Variants in MFAP3L observed in about 807,000 individuals in gnomAD.
MFAP3L encodes microfibril associated protein 3 like, also known as microfibrillar-associated protein 3-like.
MFAP3L carries 5 observed loss-of-function variants against 20.0 expected under a neutral mutation model. That is an observed-to-expected ratio of 0.25 (90% CI 0.13 to 0.53). The LOEUF (loss-of-function observed/expected upper bound fraction) is 0.53, where lower values mean the gene tolerates loss of function less well. MFAP3L is among the 20% of genes least tolerant of loss of function. MFAP3L has a pLI of 0.96. For synonymous variants in MFAP3L, 219 were observed against 213.0 expected (o/e 1.03, Z -0.25); for missense variants, 409 against 527.5 (o/e 0.78, Z 2.20).
chr4:170,026,799 C>T (rs1013786099), upstream of MFAP3L: 1 of 152,288 alleles, frequency 6.6e-6, no homozygotes, highest in African/African-American at 2.4e-5. Context: ...CAGGAAAAGG[C>T]TTCTTAGGGT....
At position 170,012,955 on chromosome 4, in the gene MFAP3L, C is replaced by T. The variant is rs546661182; in HGVS notation, c.-133-6945G>A. ...GGCCTCTACAGAATTTTATTTTATGCTGTTATTTTTTTTTTGATACACAGA... is the reference window on the plus strand; with the variant it reads ...GGCCTCTACAGAATTTTATTTTATGTTGTTATTTTTTTTTTGATACACAGA... On this transcript the variant is annotated intron_variant, in intron 1 of 2. Transcript: ENST00000361618. 8.5e-5 allele frequency among the ~76,000 whole-genome samples: 13 copies of T among 152,194 alleles called. No homozygotes were observed. The East Asian group carries it at 2.3e-3, about 27-fold the overall frequency.
In MFAP3L at chr4:169,987,335, G is replaced by T. The variant is rs1166427318; in HGVS notation, c.*4043C>A. 1 of 152,064 alleles carries T rather than the reference G, an allele frequency of 6.6e-6. No individual in the cohort carries two copies. Among genetic ancestry groups the T allele is most frequent in the Admixed American group, 6.6e-5 (1 of 15,260 alleles). 9.4% of individuals were successfully genotyped at this position (152,064 alleles called of 1,614,324 possible). On this transcript the variant is annotated 3_prime_UTR_variant, in exon 3 of 3. Coordinates refer to ENST00000361618, the MANE Select transcript of MFAP3L (RefSeq NM_021647.8). Reference sequence around the variant, plus strand: ...GATATTTTAAGAGTATGAATAACTTGGTTTAAAAACCAAGGATAGAAACAT... The same window carrying T: ...GATATTTTAAGAGTATGAATAACTTTGTTTAAAAACCAAGGATAGAAACAT...
chr4:170,019,991 T>C (rs111298200), intron 1 of MFAP3L, among the ~76,000 whole-genome samples: 40 of 152,334 alleles, frequency 2.6e-4, no homozygotes, highest in African/African-American at 9.4e-4. Context: ...AGGGAGTTAA[T>C]TTCTTCTTTT....
At chr4:170,007,041 A>G (rs775982797) in intron 1 of MFAP3L, 3 of 152,234 alleles carry the variant, frequency 2.0e-5, no homozygotes, top group Non-Finnish European at 2.9e-5. Context: ...TTTCATTCTA[A>G]TTCTATAGCC....
At chr4:170,021,414 A>AT (rs1040153051) in intron 1 of MFAP3L, among the ~76,000 whole-genome samples, 8 of 151,974 alleles carry the variant, frequency 5.3e-5, no homozygotes, top group East Asian at 1.9e-4. Flanking sequence ...ATAGAAAACA[A>AT]TTTTTTTTGC....
chr4:170,015,233 A>C (rs1302636300), intron 1 of MFAP3L, among the ~76,000 whole-genome samples: 1 of 152,194 alleles, frequency 6.6e-6, no homozygotes, highest in East Asian at 1.9e-4. Context: ...ATTTACTAGG[A>C]GATGACGCCT....
intron 1 of MFAP3L, among the ~76,000 whole-genome samples, chr4:170,009,498 A>C (rs190861181): frequency 8.5e-5 from 13 of 152,300 alleles, no homozygotes; most frequent in Admixed American, 5.2e-4. Flanking sequence ...GAGCCAGCAA[A>C]GAGTAAACCC....
intron 2 of MFAP3L, among the ~76,000 whole-genome samples, chr4:169,996,276 C>A (rs533503262): frequency 7.2e-6 from 1 of 138,122 alleles, no homozygotes; most frequent in East Asian, 1.9e-4. Context: ...TTATGCCACA[C>A]AACAAAGCTG....
chr4:170,010,906 G>C (rs755289323), intron 1 of MFAP3L, among the ~76,000 whole-genome samples: 1 of 152,136 alleles, frequency 6.6e-6, no homozygotes, highest in Non-Finnish European at 1.5e-5. Context: ...TGGTGATATG[G>C]TTTGGCTGTG....
At chr4:169,996,899 C>T (rs1034216623) in intron 2 of MFAP3L, among the ~76,000 whole-genome samples, 1 of 152,168 alleles carries the variant, frequency 6.6e-6, no homozygotes, top group Admixed American at 6.5e-5. Context: ...GGACTTCTTC[C>T]TCCCCACCCC....
upstream of MFAP3L, chr4:170,027,135 A>G (rs997688000): frequency 6.6e-6 from 1 of 150,444 alleles, no homozygotes; most frequent in African/African-American, 2.4e-5. Flanking sequence ...ATTAAAAAGT[A>G]GAGTACTCTA....
chr4:170,027,207 C>T (rs894096736), upstream of MFAP3L: 2 of 150,072 alleles, frequency 1.3e-5, no homozygotes, highest in African/African-American at 2.4e-5. Context: ...GGCTTCTTCT[C>T]CTCCTTATCT....
chr4:170,002,636 A>G (rs1423819150), intron 2 of MFAP3L, among the ~76,000 whole-genome samples: 3 of 151,758 alleles, frequency 2.0e-5, no homozygotes, highest in Non-Finnish European at 4.4e-5. Flanking sequence ...CAGCCTCCTG[A>G]GTAGCTGGGA....
intron 1 of MFAP3L, among the ~76,000 whole-genome samples, chr4:170,011,696 C>G (rs1739390451): frequency 6.6e-6 from 1 of 152,084 alleles, no homozygotes; most frequent in African/African-American, 2.4e-5. Context: ...CCCCTCTTGT[C>G]AGAATCCGGC....
At chr4:170,003,745 T>C in intron 2 of MFAP3L, 1 of 985,342 alleles carries the variant, frequency 1.0e-6, no homozygotes, top group Non-Finnish European at 1.2e-6. Flanking sequence ...TCACCGTGGG[T>C]TCCCTAGCGA....
upstream of MFAP3L, chr4:170,027,220 C>A (rs1211246434): frequency 7.5e-6 from 1 of 133,044 alleles, no homozygotes; most frequent in African/African-American, 2.8e-5. Context: ...CCTTATCTCC[C>A]TTTTTTTTTT....
intron 1 of MFAP3L, among the ~76,000 whole-genome samples, chr4:170,017,079 G>A (rs1381841943): frequency 1.3e-5 from 2 of 152,162 alleles, no homozygotes; most frequent in Non-Finnish European, 2.9e-5. Context: ...CACAGCGTAG[G>A]AACTAGATCA....
intron 2 of MFAP3L, chr4:170,002,095 A>C (rs190332719): frequency 2.0e-6 from 2 of 985,058 alleles, no homozygotes; most frequent in African/African-American, 3.5e-5. Flanking sequence ...CCATGTACAC[A>C]CACATGTTCC....
chr4:169,994,605 AT>A, intron 2 of MFAP3L: 1 of 931,708 alleles, frequency 1.1e-6, no homozygotes, highest in Non-Finnish European at 1.3e-6. Flanking sequence ...TATTTCTCTA[AT>A]CTACAACCAA....
Sources: gnomAD v4.1 joint callset for allele counts (sites outside exome capture counted in the v4.1 genomes callset) on GRCh38, gnomAD v4.1.1 for gene constraint, MANE v1.5 for transcripts, NCBI Gene and HGNC (gene_info 2026-07-23, HGNC 2026-07-21) for gene names.